MYH10: variants seen among roughly 807,000 people sequenced by gnomAD.
MYH10 encodes myosin heavy chain 10.
In MYH10, 55 loss-of-function variants were observed where a neutral mutation model predicts 257.8. The ratio of observed to expected loss-of-function variants is 0.21; its 90% CI spans 0.17 to 0.27. The LOEUF (loss-of-function observed/expected upper bound fraction) is 0.27, where lower values mean the gene tolerates loss of function less well. MYH10 is among the 10% of genes least tolerant of loss of function. The pLI is 1.00. For missense variants in MYH10, 1,631 were observed against 2,500.6 expected, an observed-to-expected ratio of 0.65 and a Z score of 7.42; for synonymous variants, 854 against 921.7, an observed-to-expected ratio of 0.93 and a Z score of 1.33.
At chr17:8,602,372 C>T (rs1036147110) in intron 3 of MYH10, among the ~76,000 whole-genome samples, 5 of 152,172 alleles carry the variant, frequency 3.3e-5, no homozygotes, top group Non-Finnish European at 5.9e-5. Flanking sequence ...ATTCTCCACA[C>T]GGTCCTTGGT....
intron 3 of MYH10, among the ~76,000 whole-genome samples, chr17:8,592,394 C>T (rs1156880628): frequency 6.6e-6 from 1 of 151,870 alleles, no homozygotes; most frequent in East Asian, 1.9e-4. Flanking sequence ...TATTGACAAA[C>T]CTCTAGCTGA....
intron 12 of MYH10, among the ~76,000 whole-genome samples, chr17:8,546,144 C>T (rs990985831): frequency 3.3e-5 from 5 of 152,046 alleles, no homozygotes; most frequent in Middle Eastern, 3.4e-3. Context: ...CTACAACCTC[C>T]GCCTCCTGGG....
chr17:8,550,678 G>C (rs2082610420), intron 9 of MYH10, among the ~76,000 whole-genome samples: 1 of 152,198 alleles, frequency 6.6e-6, no homozygotes, highest in African/African-American at 2.4e-5. Flanking sequence ...GGATGACAGT[G>C]GCGGCTTTGT....
intron 36 of MYH10, among the ~76,000 whole-genome samples, chr17:8,486,366 ATTATAGT>A (rs1330262157): frequency 3.3e-5 from 5 of 152,158 alleles, no homozygotes; most frequent in Admixed American, 2.0e-4. Context: ...AAATCACAGT[ATTATAGT>A]TTATATTCTT....
At chr17:8,571,587 C>T (rs1253848768) in intron 6 of MYH10, among the ~76,000 whole-genome samples, 2 of 151,774 alleles carry the variant, frequency 1.3e-5, no homozygotes, top group Admixed American at 1.3e-4. Context: ...TCGAGACCAT[C>T]CTGGCTAACA....
chr17:8,624,760 C>T (rs1433810950), intron 1 of MYH10, among the ~76,000 whole-genome samples: 1 of 152,228 alleles, frequency 6.6e-6, no homozygotes, highest in East Asian at 1.9e-4. Context: ...AGTGGTTACA[C>T]ATTCAACCAA....
chr17:8,507,963 A>G (rs2151863320), intron 26 of MYH10, among the ~76,000 whole-genome samples: 1 of 152,046 alleles, frequency 6.6e-6, no homozygotes, highest in Non-Finnish European at 1.5e-5. Flanking sequence ...CAAGAGTGAA[A>G]CTCCATCTTA....
In MYH10 at chr17:8,506,035, A is replaced by G. The variant is rs2081065680; in HGVS notation, c.3386+283T>C. 2.9e-6 allele frequency: 1 copy of G among 345,218 alleles called. No homozygotes were observed. Among genetic ancestry groups the G allele is most frequent in the Non-Finnish European group, 5.1e-6 (1 of 195,532 alleles). 21.4% of individuals were successfully genotyped at this position (345,218 alleles called of 1,614,324 possible). A position where few individuals can be genotyped will look rare whatever the true frequency, so the allele number is the denominator to read the frequency against. On this transcript the variant is annotated intron_variant, in intron 27 of 42. Coordinates refer to ENST00000360416, the MANE Select transcript of MYH10 (RefSeq NM_001256012.3). The surrounding 1 kb of genome is among the most constrained non-coding windows in gnomAD (Gnocchi z 5.0). ...TTAATCTGTAATGTACAGAGACCAA[A>G]ACATTTGTTATAGTGAAATAATTTG...
At chr17:8,553,103 A>G (rs114264077) in intron 8 of MYH10, among the ~76,000 whole-genome samples, 51 of 152,348 alleles carry the variant, frequency 3.3e-4, no homozygotes, top group African/African-American at 1.2e-3. Context: ...ATTTTAAGTC[A>G]GACTATCCCA....
chr17:8,532,776 G>T (rs1163980037), intron 16 of MYH10, among the ~76,000 whole-genome samples: 1 of 152,144 alleles, frequency 6.6e-6, no homozygotes, highest in Admixed American at 6.5e-5. Context: ...GGGAGGCAGG[G>T]GACATGTCTC....
intron 35 of MYH10, among the ~76,000 whole-genome samples, chr17:8,488,276 G>C (rs1915214345): frequency 6.6e-6 from 1 of 152,182 alleles, no homozygotes; most frequent in South Asian, 2.1e-4. Flanking sequence ...TGCTCACACT[G>C]TGTGAGGGAT....
chr17:8,534,985 G>A (rs187894425), intron 16 of MYH10, among the ~76,000 whole-genome samples: 5 of 152,216 alleles, frequency 3.3e-5, no homozygotes, highest in Admixed American at 1.3e-4. Flanking sequence ...GTGTCGCGGC[G>A]GGTGCGGGTG....
chr17:8,588,932 TTACA>T lies in MYH10; in HGVS notation c.530+145_530+148del, dbSNP rs1474989984. The T allele has an allele frequency of 1.8e-5, 14 of 756,930 alleles. No homozygotes were observed. The Admixed American group carries it at 2.2e-4, about 12-fold the overall frequency. 46.9% of individuals were successfully genotyped at this position (756,930 alleles called of 1,614,324 possible). A position where few individuals can be genotyped will look rare whatever the true frequency, so the allele number is the denominator to read the frequency against. On this transcript the variant is annotated intron_variant, in intron 4 of 42. Coordinates refer to ENST00000360416, the MANE Select transcript of MYH10 (RefSeq NM_001256012.3). ...ACCATTAACACCAAATTTAAGCAAC[TTACA>T]TAATCTTAGTCTTAAAATAACTGCG... is the stretch of plus-strand genomic sequence containing the variant.
At chr17:8,478,292 A>G (rs746449349) in intron 41 of MYH10, 46 bp downstream of exon 41, 2 of 1,501,302 alleles carry the variant, frequency 1.3e-6, no homozygotes, top group Admixed American at 1.7e-5. Flanking sequence ...ATTCTCCACC[A>G]GTTCCTTTGC....
intron 34 of MYH10, among the ~76,000 whole-genome samples, chr17:8,491,374 A>G (rs1393540974): frequency 6.6e-6 from 1 of 152,194 alleles, no homozygotes; most frequent in Non-Finnish European, 1.5e-5. Context: ...TCACTGTGTA[A>G]CCATGGCCAC....
intron 3 of MYH10, among the ~76,000 whole-genome samples, chr17:8,599,544 C>A (rs1407806346): frequency 6.6e-6 from 1 of 152,192 alleles, no homozygotes; most frequent in Non-Finnish European, 1.5e-5. Flanking sequence ...AATCTCTCCT[C>A]CCTCCTCCTC....
chr17:8,533,876 G>GT (rs2082070695), intron 16 of MYH10, among the ~76,000 whole-genome samples: 1 of 152,166 alleles, frequency 6.6e-6, no homozygotes, highest in Admixed American at 6.5e-5. Context: ...AACCTACACA[G>GT]TCTCCAACAC....
chr17:8,481,512 T>C, intron 37 of MYH10, 102 bp from the exon 38 acceptor site: 1 of 954,278 alleles, frequency 1.0e-6, no homozygotes, highest in Non-Finnish European at 1.6e-6. Flanking sequence ...CTGTCACTGT[T>C]TACCTGCACC....
chr17:8,615,095 A>G (rs569808481), intron 2 of MYH10, among the ~76,000 whole-genome samples: 2 of 152,312 alleles, frequency 1.3e-5, no homozygotes, highest in African/African-American at 2.4e-5. Context: ...GGGTTTTGAG[A>G]CAAGACTGGC....
Sources: gnomAD v4.1 joint callset for allele counts (sites outside exome capture counted in the v4.1 genomes callset) on GRCh38, gnomAD v4.1.1 for gene constraint, Gnocchi (gnomAD v3.1) non-coding constraint, MANE v1.5 for transcripts, NCBI Gene and HGNC (gene_info 2026-07-23, HGNC 2026-07-21) for gene names.